GRB14: variants seen among roughly 807,000 people sequenced by gnomAD.
The protein encoded by GRB14 is growth factor receptor bound protein 14, also known as growth factor receptor-bound protein 14.
GRB14 carries 38 observed loss-of-function variants against 69.1 expected under a neutral mutation model. The observed-to-expected ratio is 0.55, with a 90% CI of 0.42 to 0.72. The LOEUF is 0.72. Among genes scored for constraint, GRB14 ranks in the 30% least tolerant of loss-of-function variants. The pLI is 0.00. For missense variants in GRB14, 666 were observed against 666.1 expected (o/e 1.00, Z 0.00); for synonymous variants, 247 against 241.3 (o/e 1.02, Z -0.22).
chr2:164,620,252 C>T (rs575850183), intron 1 of GRB14, among the ~76,000 whole-genome samples: 1 of 152,310 alleles, frequency 6.6e-6, no homozygotes, highest in East Asian at 1.9e-4. Flanking sequence ...CTCTAAGTTG[C>T]ATTTAGTGCA....
intron 6 of GRB14, among the ~76,000 whole-genome samples, chr2:164,509,475 C>G (rs543319398): frequency 6.6e-6 from 1 of 152,170 alleles, no homozygotes; most frequent in Non-Finnish European, 1.5e-5. Flanking sequence ...TCATGAACAG[C>G]TATTTCTTCT....
rs776152261 is a variant in GRB14 at position 164,525,057 on chromosome 2, C to A, written c.625G>T (p.Val209Leu). ...CCATTGGTTTCAGTTGCAAAAGATA[C>A]CATATGCTCTGGAAAAAAATACTGT... ...NPMYFFPEHM[V>L]SFATETNGEI... is the part of the protein sequence containing the mutation. The change falls in exon 5 of 14, where the codon GTA becomes TTA. Residue 209 changes from valine to leucine, a missense_variant. Transcript: ENST00000263915. 1.3e-6 allele frequency: 2 copies of A among 1,586,340 alleles called. No homozygotes were observed. The highest frequency in any genetic ancestry group is 2.7e-5 in the African/African-American group (2 of 73,504).
rs371081849 is a variant in GRB14 at position 164,497,014 on chromosome 2, A to G, written c.1376T>C (p.Val459Ala). The change falls in exon 12 of 14, where the codon GTG becomes GCG. Residue 459 changes from valine to alanine, a missense_variant. Coordinates refer to ENST00000263915, the MANE Select transcript of GRB14 (RefSeq NM_004490.3). ...AQRLIIQQGL[V>A]DGVFLVRDSQ... The stretch of plus-strand genomic sequence containing the variant: ...TTAAAAATACCAAACTTACCCATCC[A>G]CAAGTCCTTGCTGAATAATCAATCG... The G allele has an allele frequency of 6.2e-6, 10 of 1,613,482 alleles. No homozygotes were observed. Among genetic ancestry groups the G allele is most frequent in the East Asian group, 2.2e-5 (1 of 44,828 alleles).
rs561367646 is a variant in GRB14 at position 164,510,059 on chromosome 2, A to G, written c.817-1207T>C. On this transcript the variant is annotated intron_variant, in intron 6 of 13. Transcript: ENST00000263915. ...GACCCAGAATAGGACCCTCGGAAAA[A>G]GGTAGGAGGAAAGAGAAAGGTAAGC... Among the ~76,000 whole-genome samples the G allele has an allele frequency of 4.6e-5, 7 of 152,288 alleles. No homozygotes were observed. In the South Asian group the frequency reaches 1.4e-3, roughly 32 times the overall value.
Position 164,547,825 on chromosome 2 carries a change from G to C in GRB14, c.325-9C>G. On this transcript the variant is annotated splice_polypyrimidine_tract_variant and intron_variant, in intron 2 of 13. Coordinates refer to ENST00000263915, the MANE Select transcript of GRB14 (RefSeq NM_004490.3). ...CTGTATACTTTAATCACCTGTGTAG[G>C]TAGAAACAAGAAAAAGACCTAAAAT... 2 of 1,577,012 alleles carry C rather than the reference G, an allele frequency of 1.3e-6. No homozygotes were observed. Among genetic ancestry groups the C allele is most frequent in the Non-Finnish European group, 1.7e-6 (2 of 1,158,974 alleles).
chr2:164,582,417 A>ATTTTTTT (rs1482393343), intron 2 of GRB14, among the ~76,000 whole-genome samples: 3 of 107,788 alleles, frequency 2.8e-5, no homozygotes, highest in African/African-American at 1.4e-4. Flanking sequence ...TTATTTATTT[A>ATTTTTTT]TTTATTATTT....
At chr2:164,585,827 A>T (rs928786396) in intron 2 of GRB14, among the ~76,000 whole-genome samples, 1 of 152,186 alleles carries the variant, frequency 6.6e-6, no homozygotes, top group Admixed American at 6.5e-5. Context: ...GCTCTTTTTA[A>T]AAACAAAAAC....
chr2:164,542,692 T>C (rs886847955), intron 3 of GRB14, among the ~76,000 whole-genome samples: 3 of 152,040 alleles, frequency 2.0e-5, no homozygotes, highest in Non-Finnish European at 2.9e-5. Context: ...CACAATGAGA[T>C]ACCATCTCCC....
intron 2 of GRB14, among the ~76,000 whole-genome samples, chr2:164,574,549 T>C (rs1349147265): frequency 6.6e-6 from 1 of 152,082 alleles, no homozygotes; most frequent in South Asian, 2.1e-4. Flanking sequence ...AAAATTATCT[T>C]AAATTTAAGA....
intron 2 of GRB14, among the ~76,000 whole-genome samples, chr2:164,613,869 C>T (rs1192220528): frequency 6.6e-6 from 1 of 152,174 alleles, no homozygotes; most frequent in African/African-American, 2.4e-5. Context: ...CAAAACACAA[C>T]TGTCCTCAGT....
At chr2:164,533,610 T>C (rs902230404) in intron 3 of GRB14, among the ~76,000 whole-genome samples, 3 of 152,208 alleles carry the variant, frequency 2.0e-5, no homozygotes, top group Non-Finnish European at 4.4e-5. Context: ...AAAACAGTAA[T>C]GGGCAAGATT....
chr2:164,531,071 G>T (rs1201338580), intron 3 of GRB14, among the ~76,000 whole-genome samples: 1 of 152,178 alleles, frequency 6.6e-6, no homozygotes, highest in Non-Finnish European at 1.5e-5. Flanking sequence ...TGACAAATTG[G>T]ATATGGAGTG....
intron 2 of GRB14, among the ~76,000 whole-genome samples, chr2:164,591,527 T>A (rs970470998): frequency 1.3e-5 from 2 of 152,144 alleles, no homozygotes; most frequent in Non-Finnish European, 2.9e-5. Flanking sequence ...TCCAACTGCA[T>A]CCTACAATAT....
At chr2:164,576,406 G>C (rs572628098) in intron 2 of GRB14, among the ~76,000 whole-genome samples, 2 of 150,474 alleles carry the variant, frequency 1.3e-5, no homozygotes, top group South Asian at 2.1e-4. Context: ...TAAGAAATTG[G>C]TTTAAAAAAA....
intron 2 of GRB14, among the ~76,000 whole-genome samples, chr2:164,615,552 T>C (rs1690269732): frequency 6.6e-6 from 1 of 152,184 alleles, no homozygotes; most frequent in Admixed American, 6.5e-5. Flanking sequence ...AAAAAGGGAC[T>C]GTCAAAGCCT....
At chr2:164,596,232 C>T (rs4319945) in intron 2 of GRB14, among the ~76,000 whole-genome samples, 115,499 of 152,146 alleles carry the variant, frequency 0.76, 44,416 homozygotes, top group African/African-American at 0.84. Flanking sequence ...ACAAATAAGT[C>T]TTTCCCAAAC....
chr2:164,592,413 C>T (rs191781883), intron 2 of GRB14, among the ~76,000 whole-genome samples: 29 of 152,260 alleles, frequency 1.9e-4, no homozygotes, highest in Non-Finnish European at 2.9e-4. Flanking sequence ...GGATTACAGG[C>T]GTGAGCCACC....
intron 2 of GRB14, among the ~76,000 whole-genome samples, chr2:164,595,094 T>G (rs1689752734): frequency 6.6e-6 from 1 of 152,316 alleles, no homozygotes; most frequent in African/African-American, 2.4e-5. Flanking sequence ...AAACATGTGT[T>G]TATTAGATAA....
intron 2 of GRB14, among the ~76,000 whole-genome samples, chr2:164,596,112 G>T (rs973059393): frequency 2.0e-5 from 3 of 152,104 alleles, no homozygotes; most frequent in African/African-American, 4.8e-5. Context: ...GACAGAGGGA[G>T]ACTCCGTCAA....
Sources: allele counts gnomAD v4.1 joint callset (sites outside exome capture counted in the v4.1 genomes callset), GRCh38; gene constraint gnomAD v4.1.1; transcripts MANE v1.5; gene names NCBI Gene and HGNC (gene_info 2026-07-23, HGNC 2026-07-21).